MAPRE3: variants seen among roughly 807,000 people sequenced by gnomAD.
The protein encoded by MAPRE3 is microtubule associated protein RP/EB family member 3, also known as microtubule-associated protein RP/EB family member 3.
A neutral mutation model predicts 30.5 loss-of-function variants in MAPRE3; 2 were observed. The observed-to-expected ratio is 0.07, with a 90% CI of 0.03 to 0.21. The LOEUF is 0.21. Ranked by LOEUF, MAPRE3 falls within the 10% of genes least tolerant of loss-of-function variation. The pLI, the probability that MAPRE3 is intolerant of heterozygous loss-of-function variation, is 1.00. For synonymous variants in MAPRE3, 110 were observed against 127.7 expected (o/e 0.86, Z 0.93); for missense variants, 204 against 351.8 (o/e 0.58, Z 3.36).
At chr2:26,995,829 G>GTGTGTGTGTGTGTGTGTGTGTGTGTGTA (rs1335864863) in intron 1 of MAPRE3, among the ~76,000 whole-genome samples, 1 of 147,008 alleles carries the variant, frequency 6.8e-6, no homozygotes, top group African/African-American at 2.6e-5. Flanking sequence ...GTGTGTGTGT[G>GTGTGTGTGTGTGTGTGTGTGTGTGTGTA]TATGTGTGTG....
intron 1 of MAPRE3, among the ~76,000 whole-genome samples, chr2:27,002,352 A>G (rs1666618737): frequency 6.6e-6 from 1 of 151,956 alleles, no homozygotes; most frequent in African/African-American, 2.4e-5. Flanking sequence ...ATAATTAGTG[A>G]TTCAGTATAA....
chr2:26,972,358 GCCT>G (rs1156554999), intron 1 of MAPRE3, among the ~76,000 whole-genome samples: 1 of 152,248 alleles, frequency 6.6e-6, no homozygotes, highest in Non-Finnish European at 1.5e-5. Context: ...CCTATTGGCA[GCCT>G]CCTCATAGCC....
At chr2:26,983,468 G>A (rs191312452) in intron 1 of MAPRE3, among the ~76,000 whole-genome samples, 1 of 152,298 alleles carries the variant, frequency 6.6e-6, no homozygotes, top group African/African-American at 2.4e-5. Context: ...CTCTGGCCTC[G>A]TGGCTGTCCC....
chr2:27,010,580 T>C (rs1267734869), intron 1 of MAPRE3, among the ~76,000 whole-genome samples: 1 of 151,920 alleles, frequency 6.6e-6, no homozygotes, highest in Non-Finnish European at 1.5e-5. Flanking sequence ...GAAGCTGAGA[T>C]TACAGGTGCG....
At chr2:26,992,496 A>G (rs976157899) in intron 1 of MAPRE3, among the ~76,000 whole-genome samples, 1 of 151,382 alleles carries the variant, frequency 6.6e-6, no homozygotes, top group East Asian at 1.9e-4. Context: ...AAGTGCTGGG[A>G]TTACAGGCAT....
chr2:27,014,684 G>GGT (rs955192252), intron 1 of MAPRE3: 10 of 152,438 alleles, frequency 6.6e-5, no homozygotes, highest in Non-Finnish European at 2.9e-5. Context: ...TGATTGGCCA[G>GGT]GTCTGCCAGG....
chr2:26,984,238 A>C (rs1378258373), intron 1 of MAPRE3, among the ~76,000 whole-genome samples: 3 of 152,370 alleles, frequency 2.0e-5, no homozygotes, highest in South Asian at 2.1e-4. Context: ...CTGGATGACA[A>C]ATATAATTCA....
intron 1 of MAPRE3, among the ~76,000 whole-genome samples, chr2:26,974,767 C>CTA (rs1665984397): frequency 6.6e-6 from 1 of 152,172 alleles, no homozygotes; most frequent in Non-Finnish European, 1.5e-5. Flanking sequence ...GGAATAATAA[C>CTA]TATCTGTTTT....
intron 1 of MAPRE3, among the ~76,000 whole-genome samples, chr2:26,977,351 C>T (rs1572740977): frequency 1.3e-5 from 2 of 152,216 alleles, no homozygotes; most frequent in East Asian, 3.8e-4. Context: ...TTACTGTTTA[C>T]ATGTATCGGA....
At chr2:27,022,135 T>C in intron 1 of MAPRE3, 77 bp from the exon 2 acceptor site, 1 of 1,534,448 alleles carries the variant, frequency 6.5e-7, no homozygotes, top group Non-Finnish European at 8.9e-7. Context: ...CCCAGTATCA[T>C]ACAGCCCCTC....
chr2:26,990,557 A>C (rs1666316377), intron 1 of MAPRE3, among the ~76,000 whole-genome samples: 1 of 152,182 alleles, frequency 6.6e-6, no homozygotes, highest in East Asian at 1.9e-4. Context: ...AGAAAAAAAA[A>C]CTCACAATAT....
intron 1 of MAPRE3, chr2:27,002,011 C>T (rs1189634659): frequency 6.6e-6 from 1 of 152,268 alleles, no homozygotes; most frequent in Non-Finnish European, 1.5e-5. Flanking sequence ...AGCTCAAGGA[C>T]GTTGCCAAGG....
intron 1 of MAPRE3, among the ~76,000 whole-genome samples, chr2:26,987,221 TA>T (rs1193820148): frequency 1.3e-5 from 2 of 152,228 alleles, no homozygotes; most frequent in African/African-American, 2.4e-5. Flanking sequence ...CATTAATTAT[TA>T]ATGTTTATTT....
chr2:27,021,459 G>A (rs1667109066), intron 1 of MAPRE3, among the ~76,000 whole-genome samples: 1 of 152,156 alleles, frequency 6.6e-6, no homozygotes, highest in Admixed American at 6.5e-5. Context: ...GAAAGGTTGT[G>A]GACAAGCAGA....
rs80214805 is a variant in MAPRE3 at position 26,985,753 on chromosome 2, C to T, written c.-8+14951C>T. Among the ~76,000 whole-genome samples, 224 of 152,164 alleles carry T rather than the reference C, an allele frequency of 1.5e-3. 7 individuals are homozygous for T. The East Asian group carries it at 0.042, about 28-fold the overall frequency. On this transcript the variant is annotated intron_variant, in intron 1 of 6. Coordinates refer to ENST00000233121, the MANE Select transcript of MAPRE3 (RefSeq NM_012326.4). The surrounding 1 kb of genome is among the most constrained non-coding windows in gnomAD (Gnocchi z 4.2). ...TAAGGATCTTGAGAGAGAGGTTTAT[C>T]CTGGATTATCTGGGTGGGCCCTAAA... is the stretch of plus-strand genomic sequence containing the variant.
chr2:26,992,804 G>C (rs1488266116), intron 1 of MAPRE3, among the ~76,000 whole-genome samples: 4 of 152,294 alleles, frequency 2.6e-5, no homozygotes, highest in African/African-American at 9.6e-5. Flanking sequence ...ATATCCTTGT[G>C]AAGACTGTGT....
chr2:27,014,788 T>C (rs1258055209), intron 1 of MAPRE3: 1 of 152,342 alleles, frequency 6.6e-6, no homozygotes, highest in Non-Finnish European at 1.5e-5. Context: ...ATAACCTGGA[T>C]GTGTGACTCA....
intron 1 of MAPRE3, among the ~76,000 whole-genome samples, chr2:27,021,460 G>A (rs1419012847): frequency 1.3e-5 from 2 of 152,194 alleles, no homozygotes; most frequent in Non-Finnish European, 2.9e-5. Flanking sequence ...AAAGGTTGTG[G>A]ACAAGCAGAA....
intron 1 of MAPRE3, among the ~76,000 whole-genome samples, chr2:26,976,381 T>A (rs906603787): frequency 1.3e-5 from 2 of 152,182 alleles, no homozygotes; most frequent in Non-Finnish European, 2.9e-5. Context: ...TACCCAGGAG[T>A]TAGGATGGGT....
Sources: gnomAD v4.1 joint callset for allele counts (sites outside exome capture counted in the v4.1 genomes callset) on GRCh38, gnomAD v4.1.1 for gene constraint, Gnocchi (gnomAD v3.1) non-coding constraint, MANE v1.5 for transcripts, NCBI Gene and HGNC (gene_info 2026-07-23, HGNC 2026-07-21) for gene names.